SYNE1: variants seen among roughly 807,000 people sequenced by gnomAD.
SYNE1 encodes nesprin-1.
SYNE1 carries 616 observed loss-of-function variants against 1,111.0 expected under a neutral mutation model. The observed-to-expected ratio is 0.55, with a 90% CI of 0.52 to 0.59. The LOEUF (loss-of-function observed/expected upper bound fraction) is 0.59. Ranked by LOEUF, SYNE1 falls within the 20% of genes least tolerant of loss-of-function variation. SYNE1 has a pLI of 0.00. For synonymous variants in SYNE1, 3,855 were observed against 3,825.8 expected (o/e 1.01, Z -0.28); for missense variants, 10,006 against 10,417.0 (o/e 0.96, Z 1.72).
chr6:152,507,377 C>T (rs1594243156), intron 8 of SYNE1, among the ~76,000 whole-genome samples: 1 of 152,016 alleles, frequency 6.6e-6, no homozygotes, highest in African/African-American at 2.4e-5. Context: ...ACATAATATG[C>T]TTTTCTAAAT....
chr6:152,578,694 G>A (rs970850266), intron 3 of SYNE1, among the ~76,000 whole-genome samples: 1 of 152,014 alleles, frequency 6.6e-6, no homozygotes, highest in African/African-American at 2.4e-5. Context: ...AATTTTTAAG[G>A]CTTATTAACC....
intron 4 of SYNE1, among the ~76,000 whole-genome samples, 168 bp downstream of exon 4, chr6:152,539,792 A>G (rs1234329742): frequency 6.6e-6 from 1 of 152,212 alleles, no homozygotes; most frequent in African/African-American, 2.4e-5. Context: ...CCCAGAAGCA[A>G]TGTTAGCAAA....
chr6:152,181,355 T>C (rs1002611963), intron 128 of SYNE1, among the ~76,000 whole-genome samples: 7 of 152,216 alleles, frequency 4.6e-5, no homozygotes, highest in Admixed American at 6.5e-5. Flanking sequence ...GAGGTTGCAG[T>C]GAGCCGAGAT....
chr6:152,218,062 G>C (rs2079177001), intron 121 of SYNE1, among the ~76,000 whole-genome samples, 195 bp downstream of exon 121: 1 of 151,924 alleles, frequency 6.6e-6, no homozygotes, highest in Non-Finnish European at 1.5e-5. Context: ...AGGAGTGGTG[G>C]CGTGCCCCTA....
intron 28 of SYNE1, among the ~76,000 whole-genome samples, chr6:152,447,866 T>C (rs1170087294): frequency 1.3e-5 from 2 of 152,220 alleles, no homozygotes; most frequent in East Asian, 1.9e-4. Context: ...TAGATACTTA[T>C]AGATATGTCC....
chr6:152,301,667 T>C lies in SYNE1; in HGVS notation c.17541+202A>G, dbSNP rs568779234. On this transcript the variant is annotated intron_variant, in intron 92 of 145. Coordinates refer to ENST00000367255, the MANE Select transcript of SYNE1 (RefSeq NM_182961.4). ...TAATTCAGCTGTCTCGAGCACATAGTTTCATTTTAACTGTCATTGTTTACA... is the reference window on the plus strand; with the variant it reads ...TAATTCAGCTGTCTCGAGCACATAGCTTCATTTTAACTGTCATTGTTTACA... Among the ~76,000 whole-genome samples, 17 of 152,346 alleles carry C rather than the reference T, an allele frequency of 1.1e-4. No homozygotes were observed. The South Asian group carries it at 3.5e-3, about 32-fold the overall frequency.
At chr6:152,273,147 C>G (rs1314379171) in intron 98 of SYNE1, among the ~76,000 whole-genome samples, 2 of 152,222 alleles carry the variant, frequency 1.3e-5, no homozygotes, top group Admixed American at 6.5e-5. Context: ...ATTTACACTT[C>G]ACCCAATGTG....
At chr6:152,261,908 A>C (rs2092050124) in intron 101 of SYNE1, 124 bp downstream of exon 101, 9 of 679,168 alleles carry the variant, frequency 1.3e-5, no homozygotes, top group Non-Finnish European at 2.1e-5. Context: ...TAGAGTGAAA[A>C]ATTGGTGTCA....
intron 126 of SYNE1, among the ~76,000 whole-genome samples, chr6:152,203,253 A>G (rs916500710): frequency 6.6e-6 from 1 of 152,210 alleles, no homozygotes; most frequent in African/African-American, 2.4e-5. Flanking sequence ...TTTGTAATAA[A>G]AAAGTAGAAT....
chr6:152,233,665 G>C, intron 112 of SYNE1, 116 bp downstream of exon 112: 1 of 1,278,822 alleles, frequency 7.8e-7, no homozygotes, highest in Non-Finnish European at 1.1e-6. Context: ...AGAGAGAAGA[G>C]GCCAGGTGTC....
chr6:152,380,994 A>C lies in SYNE1; in HGVS notation c.9009+12T>G. On this transcript the variant is annotated intron_variant, in intron 56 of 145. Transcript: ENST00000367255. ...AGCATAACCACCAATAGAAAACAGG[A>C]AGCCAACTTACTTGTCCTTTGTGCC... 6.2e-7 allele frequency: 1 copy of C among 1,613,084 alleles called. No individual in the cohort carries two copies. The highest frequency in any genetic ancestry group is 8.5e-7 in the Non-Finnish European group (1 of 1,179,052).
chr6:152,135,739 A>C (rs948985689), intron 141 of SYNE1, among the ~76,000 whole-genome samples: 6 of 152,220 alleles, frequency 3.9e-5, no homozygotes, highest in Non-Finnish European at 8.8e-5. Flanking sequence ...ACCCGCTTTC[A>C]AGGAACTATT....
intron 3 of SYNE1, among the ~76,000 whole-genome samples, chr6:152,586,962 A>C (rs2099541515): frequency 6.6e-6 from 1 of 152,144 alleles, no homozygotes; most frequent in Non-Finnish European, 1.5e-5. Context: ...CTTCAGAAAG[A>C]AAATCGGTCT....
intron 104 of SYNE1, among the ~76,000 whole-genome samples, chr6:152,249,597 T>C (rs2088500874): frequency 6.6e-6 from 1 of 152,346 alleles, no homozygotes; most frequent in Admixed American, 6.5e-5. Flanking sequence ...TATTAGTGGC[T>C]CTTATCTAGG....
chr6:152,540,225 G>A (rs567281682), intron 3 of SYNE1, among the ~76,000 whole-genome samples: 2 of 152,116 alleles, frequency 1.3e-5, no homozygotes, highest in South Asian at 2.1e-4. Context: ...ATCTGCAAAT[G>A]CTTTAAAATT....
chr6:152,399,721 G>C lies in SYNE1; in HGVS notation c.7132C>G (p.Leu2378Val). 6.2e-7 allele frequency: 1 copy of C among 1,614,126 alleles called. No individual in the cohort carries two copies. Among genetic ancestry groups the C allele is most frequent in the East Asian group, 2.2e-5 (1 of 44,868 alleles). ...RKYHSAELES[L>V]GRAMTGLIKK... ...ATCAGACCAGTCATTGCACGGCCCA[G>C]GCTCTCCAACTCAGCTGAGTGGTAC... The change falls in exon 48 of 146, where the codon CTG becomes GTG. Residue 2378 changes from leucine to valine, a missense_variant. Physicochemically the swap from Leu to Val is conservative, Grantham distance 32 (BLOSUM62 1). Coordinates refer to ENST00000367255, the MANE Select transcript of SYNE1 (RefSeq NM_182961.4).
intron 3 of SYNE1, among the ~76,000 whole-genome samples, chr6:152,574,444 T>C (rs2099488276): frequency 6.6e-6 from 1 of 152,086 alleles, no homozygotes; most frequent in African/African-American, 2.4e-5. Context: ...ACCTGACAGT[T>C]AATTGCTGTA....
Position 152,180,309 on chromosome 6 carries a change from A to G in SYNE1, c.23302-15T>C, listed in dbSNP as rs2067628856. 6.2e-7 allele frequency: 1 copy of G among 1,613,740 alleles called. No homozygotes were observed. Among genetic ancestry groups the G allele is most frequent in the Non-Finnish European group, 8.5e-7 (1 of 1,179,884 alleles). On this transcript the variant is annotated splice_polypyrimidine_tract_variant and intron_variant, in intron 128 of 145. Coordinates refer to ENST00000367255, the MANE Select transcript of SYNE1 (RefSeq NM_182961.4). The stretch of plus-strand genomic sequence containing the variant: ...CTTAAGGAGAGCTGAAAAGTTTAAA[A>G]TGGGAGAATAGGCAAAATGATTATC...
chr6:152,589,168 A>G (rs1254117408), intron 3 of SYNE1, among the ~76,000 whole-genome samples: 2 of 152,086 alleles, frequency 1.3e-5, no homozygotes, highest in Non-Finnish European at 2.9e-5. Context: ...TGGGCTCCCA[A>G]AGTGCTGGGA....
Sources: gnomAD v4.1 joint callset for allele counts (sites outside exome capture counted in the v4.1 genomes callset) on GRCh38, gnomAD v4.1.1 for gene constraint, MANE v1.5 for transcripts, NCBI Gene and HGNC (gene_info 2026-07-23, HGNC 2026-07-21) for gene names.